USH2A: variants seen among roughly 807,000 people sequenced by gnomAD.
USH2A encodes the protein usherin, also known as Usher syndrome 2A (autosomal recessive, mild).
In USH2A, 443 loss-of-function variants were observed where a neutral mutation model predicts 538.9. That is an observed-to-expected ratio of 0.82 (90% CI 0.76 to 0.89). USH2A has a LOEUF of 0.89. USH2A is among the 40% of genes least tolerant of loss of function. The pLI, the probability that USH2A is intolerant of heterozygous loss-of-function variation, is 0.00. For missense variants in USH2A, 6,633 were observed against 6,324.8 expected, an observed-to-expected ratio of 1.05 and a Z score of -1.65; for synonymous variants, 2,413 against 2,273.5, an observed-to-expected ratio of 1.06 and a Z score of -1.75.
At chr1:215,733,627 T>A (rs139465194) in intron 60 of USH2A, among the ~76,000 whole-genome samples, 3 of 152,318 alleles carry the variant, frequency 2.0e-5, no homozygotes, top group African/African-American at 7.2e-5. Context: ...ACTTCCAAGA[T>A]ACAATGTGGA....
At chr1:216,321,848 T>C in intron 9 of USH2A, 35 bp downstream of exon 9, 1 of 1,567,122 alleles carries the variant, frequency 6.4e-7, no homozygotes, top group Non-Finnish European at 8.8e-7. Context: ...TCTACTATTT[T>C]TTTTTTAGAT....
At chr1:216,377,414 A>G (rs1015302974) in intron 3 of USH2A, among the ~76,000 whole-genome samples, 1 of 152,162 alleles carries the variant, frequency 6.6e-6, no homozygotes, top group Non-Finnish European at 1.5e-5. Context: ...ATCCCTGAAT[A>G]CAAAAGTAGG....
At chr1:215,627,393 C>CTTCT (rs1656071082) in intron 71 of USH2A, among the ~76,000 whole-genome samples, 2 of 38,450 alleles carry the variant, frequency 5.2e-5, no homozygotes, top group Non-Finnish European at 1.2e-4. Context: ...TCTTTCCTTC[C>CTTCT]TTCCTTCCTT....
chr1:215,712,561 A>G (rs148386756), intron 61 of USH2A, among the ~76,000 whole-genome samples: 202 of 152,270 alleles, frequency 1.3e-3, no homozygotes, highest in Non-Finnish European at 2.5e-3. Flanking sequence ...AACTTTTTCA[A>G]TGAGTTTAAT....
At chr1:216,081,933 T>G (rs2102558106) in intron 26 of USH2A, among the ~76,000 whole-genome samples, 1 of 151,876 alleles carries the variant, frequency 6.6e-6, no homozygotes, top group Admixed American at 6.6e-5. Context: ...TAAGAGTTAC[T>G]TAAAGTTAAC....
At chr1:215,901,225 T>C in intron 38 of USH2A, 1 of 388,286 alleles carries the variant, frequency 2.6e-6, no homozygotes, top group South Asian at 2.2e-5. Flanking sequence ...AATATTAAAG[T>C]ACCTTTTTCA....
intron 13 of USH2A, among the ~76,000 whole-genome samples, chr1:216,244,985 A>T (rs2036008689): frequency 6.6e-6 from 1 of 152,216 alleles, no homozygotes; most frequent in South Asian, 2.1e-4. Context: ...TGTATAAATC[A>T]TGGTTATTTG....
At chr1:216,065,856 C>T (rs755467742) in intron 30 of USH2A, among the ~76,000 whole-genome samples, 9 of 151,984 alleles carry the variant, frequency 5.9e-5, no homozygotes, top group Non-Finnish European at 1.2e-4. Context: ...GAGATTGCAC[C>T]ACTGCACTCC....
At chr1:215,836,474 A>G (rs1663494902) in intron 47 of USH2A, among the ~76,000 whole-genome samples, 1 of 5,028 alleles carries the variant, frequency 2.0e-4, no homozygotes, top group Admixed American at 7.6e-3. Context: ...TTATATATAT[A>G]TATATAATAT....
intron 40 of USH2A, among the ~76,000 whole-genome samples, chr1:215,899,294 T>A (rs540275683): frequency 6.6e-6 from 1 of 152,318 alleles, no homozygotes; most frequent in Admixed American, 6.5e-5. Flanking sequence ...AAGAAGCCTA[T>A]GATTAAAAGA....
At chr1:215,862,065 C>G (rs893561610) in intron 44 of USH2A, among the ~76,000 whole-genome samples, 1 of 152,034 alleles carries the variant, frequency 6.6e-6, no homozygotes, top group Non-Finnish European at 1.5e-5. Context: ...GTCTCGATCT[C>G]CTGACCTCAT....
At chr1:216,224,926 A>C (rs1001549087) in intron 14 of USH2A, among the ~76,000 whole-genome samples, 1 of 152,110 alleles carries the variant, frequency 6.6e-6, no homozygotes, top group Non-Finnish European at 1.5e-5. Context: ...CATTTGTTAT[A>C]ATTGGAATGT....
At chr1:216,061,672 C>T (rs1402666422) in intron 30 of USH2A, among the ~76,000 whole-genome samples, 2 of 152,184 alleles carry the variant, frequency 1.3e-5, no homozygotes, top group Non-Finnish European at 2.9e-5. Flanking sequence ...TAAAGCTCCC[C>T]AGTTGACTCA....
chr1:215,865,817 C>T (rs1664454132), intron 44 of USH2A, among the ~76,000 whole-genome samples: 1 of 152,222 alleles, frequency 6.6e-6, no homozygotes, highest in African/African-American at 2.4e-5. Context: ...ACCTAACCTA[C>T]TGATTTAATT....
intron 13 of USH2A, among the ~76,000 whole-genome samples, chr1:216,237,486 C>A (rs545071733): frequency 4.5e-4 from 64 of 141,932 alleles, no homozygotes; most frequent in African/African-American, 1.6e-3. Context: ...CAGAGCAAGA[C>A]TCCGTCTTAA....
intron 3 of USH2A, among the ~76,000 whole-genome samples, chr1:216,392,113 G>T (rs976883140): frequency 6.6e-6 from 1 of 152,072 alleles, no homozygotes; most frequent in South Asian, 2.1e-4. Context: ...CCTGTCCCTC[G>T]CAGAGTTTAT....
intron 47 of USH2A, among the ~76,000 whole-genome samples, chr1:215,835,134 G>A (rs1232033390): frequency 2.9e-5 from 3 of 105,148 alleles, no homozygotes; most frequent in Non-Finnish European, 5.6e-5. Context: ...GTTTATTTTG[G>A]TCCCCTTTTT....
chr1:216,278,361 C>T (rs942389991), intron 11 of USH2A, among the ~76,000 whole-genome samples: 1 of 152,146 alleles, frequency 6.6e-6, no homozygotes, highest in African/African-American at 2.4e-5. Flanking sequence ...TTGGATAACT[C>T]CCTCAATACT....
chr1:216,124,516 A>G (rs1306695210), intron 21 of USH2A, among the ~76,000 whole-genome samples: 1 of 152,200 alleles, frequency 6.6e-6, no homozygotes, highest in African/African-American at 2.4e-5. Flanking sequence ...CCAGATAGAA[A>G]TACAACAAGA....
Sources: gnomAD v4.1 joint callset for allele counts (sites outside exome capture counted in the v4.1 genomes callset) on GRCh38, gnomAD v4.1.1 for gene constraint, MANE v1.5 for transcripts, NCBI Gene and HGNC (gene_info 2026-07-23, HGNC 2026-07-21) for gene names.